FBN3: variants seen among roughly 807,000 people sequenced by gnomAD.
FBN3 encodes the protein fibrillin-3.
In FBN3, 234 loss-of-function variants were observed where a neutral mutation model predicts 330.1. That is an observed-to-expected ratio of 0.71 (90% CI 0.64 to 0.79). The LOEUF is 0.79. Ranked by LOEUF, FBN3 falls within the 30% of genes least tolerant of loss-of-function variation. FBN3 has a pLI of 0.00. For missense variants in FBN3, 3,606 were observed against 3,886.9 expected (o/e 0.93, Z 1.92); for synonymous variants, 1,458 against 1,517.3 (o/e 0.96, Z 0.91).
chr19:8,075,088 T>C lies in FBN3; in HGVS notation c.7685A>G (p.Gln2562Arg). ...TCACTCACCCACACACTGGGCCCAC[T>C]GGGAGTGCTGGGTGAAACCCTGGGG... ...SCPQGFTQHS[Q>R]WAQCVDENEC... is the part of the protein sequence containing the mutation. The change falls in exon 61 of 64, where the codon CAG (glutamine) becomes CGG (arginine). Residue 2562 changes from glutamine (Q) to arginine (R), a missense_variant. By Grantham distance (43) the Gln-to-Arg change is conservative. Coordinates refer to ENST00000600128, the MANE Select transcript of FBN3 (RefSeq NM_032447.5). 3.1e-6 allele frequency: 5 copies of C among 1,601,560 alleles called. No individual in the cohort carries two copies. In the South Asian group the frequency reaches 3.4e-5, roughly 11 times the overall value.
chr19:8,124,832 G>A (rs530664701), intron 22 of FBN3, among the ~76,000 whole-genome samples: 2 of 152,246 alleles, frequency 1.3e-5, no homozygotes, highest in African/African-American at 2.4e-5. Context: ...CACCATGCCC[G>A]GCCACTAAGG....
At position 8,123,907 on chromosome 19, in the gene FBN3, C is replaced by G. The variant is rs1280901529; in HGVS notation, c.2833G>C (p.Ala945Pro). ...GCCTCGCACTCGACTCCCCACACGG[C>G]CCCGATGGAGCAGCAGCAGACGTCC... ...RMDVCCCSIG[A>P]VWGVECEACP... Residue 945 changes from alanine to proline, a missense_variant, in exon 23 of 64, where the codon GCC becomes CCC. Physicochemically the swap from Ala to Pro is conservative, Grantham distance 27. Transcript: ENST00000600128. The G allele has an allele frequency of 1.2e-6, 2 of 1,613,932 alleles. No homozygotes were observed.
chr19:8,087,412 C>T (rs867441050), intron 53 of FBN3, among the ~76,000 whole-genome samples: 61 of 152,224 alleles, frequency 4.0e-4, no homozygotes, highest in South Asian at 2.3e-3. Context: ...CAGGAATTGT[C>T]CCCCAAAGCT....
chr19:8,136,398 G>C lies in FBN3; in HGVS notation c.1335C>G (p.Gly445=). ...CNVGYTQDVR[G]ECIDVDECTS... Reference sequence around the variant, plus strand: ...CTGGCCGCGGCTCACCAATGCACTCGCCGCGCACGTCCTGGGTGTAGCCCA... The same window carrying C: ...CTGGCCGCGGCTCACCAATGCACTCCCCGCGCACGTCCTGGGTGTAGCCCA... Residue 445 remains glycine, a synonymous_variant, in exon 11 of 64, where the codon GGC becomes GGG. Transcript: ENST00000600128. The C allele has an allele frequency of 1.9e-6, 3 of 1,613,864 alleles. No individual in the cohort carries two copies. The highest frequency in any genetic ancestry group is 1.3e-5 in the African/African-American group (1 of 75,046).
At chr19:8,116,414 A>G (rs1043667243) in intron 29 of FBN3, among the ~76,000 whole-genome samples, 1 of 152,236 alleles carries the variant, frequency 6.6e-6, no homozygotes, top group African/African-American at 2.4e-5. Context: ...AACAAATGCC[A>G]TTTAAAAGAG....
chr19:8,110,780 G>A, intron 34 of FBN3, 65 bp downstream of exon 34: 2 of 1,595,934 alleles, frequency 1.3e-6, no homozygotes, highest in Non-Finnish European at 1.7e-6. Context: ...GTGAGGGAGT[G>A]AGCCATGTCC....
At position 8,106,120 on chromosome 19, in the gene FBN3, G is replaced by T; in HGVS notation, c.4801C>A (p.Arg1601Ser). 6.2e-7 allele frequency: 1 copy of T among 1,614,102 alleles called. No individual in the cohort carries two copies. The highest frequency in any genetic ancestry group is 8.5e-7 in the Non-Finnish European group (1 of 1,179,990). The change falls in exon 38 of 64, where the codon CGC (arginine) becomes AGC (serine). Residue 1601 changes from arginine to serine, a missense_variant. Transcript: ENST00000600128. Reference protein sequence around the residue: ...PPGYHLSEHTRICEDIDECST... With the variant: ...PPGYHLSEHTSICEDIDECST... ...AATCCATGCTCACCCTCACAGATGC[G>T]GGTGTGCTCACTGAGGTGGTAGCCA...
chr19:8,121,740 ATTAC>A lies in FBN3; in HGVS notation c.3083-358_3083-355del, dbSNP rs1346248601. On this transcript the variant is annotated intron_variant, in intron 24 of 63. Coordinates refer to ENST00000600128, the MANE Select transcript of FBN3 (RefSeq NM_032447.5). This position sits in a 1 kb window ranked among gnomAD's most constrained non-coding sequence, Gnocchi z 4.5. ...GTTTGTTTTATTTTATTTTATTTTTATTACTTATTTATTTATTTACTTTTTTAGA... is the reference window on the plus strand; with the variant it reads ...GTTTGTTTTATTTTATTTTATTTTTATTATTTATTTATTTACTTTTTTAGA... Among the ~76,000 whole-genome samples, 2 of 151,528 alleles carry A rather than the reference ATTAC, an allele frequency of 1.3e-5. No individual in the cohort carries two copies. Among genetic ancestry groups the A allele is most frequent in the Middle Eastern group, 3.2e-3 (1 of 316 alleles).
At position 8,134,106 on chromosome 19, in the gene FBN3, G is replaced by T. The variant is rs2083220839; in HGVS notation, c.1592-1000C>A. ...AGAAAAAAAAAATCAGCCGGGCGTG[G>T]TGGTGGGTGCCTGTGGTCCCAGTTA... On this transcript the variant is annotated intron_variant, in intron 13 of 63. Coordinates refer to ENST00000600128, the MANE Select transcript of FBN3 (RefSeq NM_032447.5). Among the ~76,000 whole-genome samples, 3 of 151,718 alleles carry T rather than the reference G, an allele frequency of 2.0e-5. No individual in the cohort carries two copies. The South Asian group carries it at 6.3e-4, about 32-fold the overall frequency.
chr19:8,141,689 C>G, intron 8 of FBN3, 28 bp downstream of exon 8: 1 of 1,601,026 alleles, frequency 6.2e-7, no homozygotes, highest in Non-Finnish European at 8.5e-7. Context: ...CAGAGGAGGT[C>G]TCAGGTTGTC....
In FBN3 at chr19:8,126,570, C is replaced by T. The variant is rs778987311; in HGVS notation, c.2452G>A (p.Glu818Lys). 6 of 1,611,364 alleles carry T rather than the reference C, an allele frequency of 3.7e-6. No homozygotes were observed. In the African/African-American group the frequency reaches 8.0e-5, roughly 21 times the overall value. ...TKGTCWLKIQ[E>K]SRCEVNLQGA... ...TGAAGGTTCACCTCACAGCGGCTCT[C>T]CTGGATCTTCAGCCAGCAGGTGCCC... Residue 818 changes from glutamate to lysine, a missense_variant, in exon 20 of 64, where the codon GAG becomes AAG. By Grantham distance (56) the Glu-to-Lys change is moderately conservative. Transcript: ENST00000600128.
At chr19:8,085,763 G>C (rs1479947030) in intron 55 of FBN3, among the ~76,000 whole-genome samples, 194 bp from the exon 56 acceptor site, 1 of 152,050 alleles carries the variant, frequency 6.6e-6, no homozygotes, top group Non-Finnish European at 1.5e-5. Context: ...GGGAGATCTG[G>C]GGAAGGTTGG....
At chr19:8,087,028 C>T (rs753420029) in intron 54 of FBN3, 49 bp downstream of exon 54, 1 of 1,582,252 alleles carries the variant, frequency 6.3e-7, no homozygotes, top group Non-Finnish European at 8.5e-7. Flanking sequence ...TTTGACCTCT[C>T]CCTTCCACAA....
At chr19:8,143,458 A>G (rs1213282011) in intron 6 of FBN3, among the ~76,000 whole-genome samples, 1 of 151,226 alleles carries the variant, frequency 6.6e-6, no homozygotes, top group Non-Finnish European at 1.5e-5. Flanking sequence ...CTCACAAGAA[A>G]GACATCACTG....
chr19:8,146,690 G>A (rs1319471223), intron 3 of FBN3, among the ~76,000 whole-genome samples: 2 of 152,058 alleles, frequency 1.3e-5, no homozygotes, highest in Non-Finnish European at 2.9e-5. Flanking sequence ...AGAGAGGCCA[G>A]GTGCAGTGGC....
intron 38 of FBN3, 100 bp downstream of exon 38, chr19:8,106,008 A>T: frequency 2.1e-6 from 3 of 1,436,216 alleles, no homozygotes; most frequent in African/African-American, 2.8e-5. Flanking sequence ...AAGCCTTTCC[A>T]TGAGGCCTTC....
At chr19:8,116,922 G>A in intron 28 of FBN3, 123 bp from the exon 29 acceptor site, 1 of 1,273,234 alleles carries the variant, frequency 7.9e-7, no homozygotes, top group South Asian at 1.4e-5. Context: ...CACTCGAGTA[G>A]TCTGGGGGCG....
intron 59 of FBN3, among the ~76,000 whole-genome samples, chr19:8,080,567 GA>G (rs1358889033): frequency 5.9e-5 from 9 of 152,088 alleles, no homozygotes; most frequent in Non-Finnish European, 1.2e-4. Context: ...AGGAAGTAAC[GA>G]CTTTGTTCTG....
At chr19:8,072,782 A>G (rs2145361810) in intron 62 of FBN3, among the ~76,000 whole-genome samples, 1 of 152,056 alleles carries the variant, frequency 6.6e-6, no homozygotes, top group South Asian at 2.1e-4. Flanking sequence ...AAGGGTGCCC[A>G]CGCATGCTGG....
Sources: gnomAD v4.1 joint callset for allele counts (sites outside exome capture counted in the v4.1 genomes callset) on GRCh38, gnomAD v4.1.1 for gene constraint, Gnocchi (gnomAD v3.1) non-coding constraint, MANE v1.5 for transcripts, NCBI Gene and HGNC (gene_info 2026-07-23, HGNC 2026-07-21) for gene names.